ARHGAP23: variants seen among roughly 807,000 people sequenced by gnomAD.
ARHGAP23 encodes the protein Rho GTPase activating protein 23.
ARHGAP23 carries 34 observed loss-of-function variants against 136.3 expected under a neutral mutation model. The observed-to-expected ratio is 0.25, with a 90% CI of 0.19 to 0.33. The LOEUF is 0.33. Ranked by LOEUF, ARHGAP23 falls within the 10% of genes least tolerant of loss-of-function variation. The probability of loss-of-function intolerance (pLI) is 1.00; values close to 1 mark genes in which losing one functional copy is unlikely to be tolerated. For missense variants in ARHGAP23, 1,808 were observed against 2,139.0 expected, an observed-to-expected ratio of 0.85 and a Z score of 3.05; for synonymous variants, 832 against 920.5, an observed-to-expected ratio of 0.90 and a Z score of 1.74.
Position 38,438,692 on chromosome 17 carries a change from G to A in ARHGAP23, c.63+10144G>A, listed in dbSNP as rs908781483. Among the ~76,000 whole-genome samples, 15 of 151,376 alleles carry A rather than the reference G, an allele frequency of 9.9e-5. No individual in the cohort carries two copies. In the South Asian group the frequency reaches 1.0e-3, roughly 11 times the overall value. ...ACAGTTGGAAGGGTAGGATAAGAGT[G>A]GAGTATGTTGGCTGGGCGTGGTGGC... On this transcript the variant is annotated intron_variant, in intron 1 of 23. Transcript: ENST00000622683.
chr17:38,475,759 G>A (rs2039878599), intron 11 of ARHGAP23, among the ~76,000 whole-genome samples: 1 of 152,186 alleles, frequency 6.6e-6, no homozygotes, highest in Admixed American at 6.5e-5. Context: ...ATATGGAAAT[G>A]AGAGGACGGA....
chr17:38,445,301 C>T (rs1331094427), intron 1 of ARHGAP23, among the ~76,000 whole-genome samples: 1 of 86,458 alleles, frequency 1.2e-5, no homozygotes, highest in Admixed American at 1.5e-4. Context: ...CCTGTCTCTA[C>T]TTAAAAAAAA....
In ARHGAP23 at chr17:38,458,709, A is replaced by C. The variant is rs568482631; in HGVS notation, c.225+446A>C. 5.8e-3 allele frequency among the ~76,000 whole-genome samples: 886 copies of C among 152,210 alleles called. 6 individuals carry two copies. The highest frequency in any genetic ancestry group is 6.3e-3 in the Non-Finnish European group (427 of 67,974). ...GCGTGAGCTCTCAGGGGCCTAGCCC[A>C]CCTGTGGGAGCCCTCCCAGCACGCC... is the stretch of plus-strand genomic sequence containing the variant. On this transcript the variant is annotated intron_variant, in intron 2 of 23. Transcript: ENST00000622683.
chr17:38,503,859 C>T (rs1485256749), intron 23 of ARHGAP23, among the ~76,000 whole-genome samples: 2 of 152,234 alleles, frequency 1.3e-5, no homozygotes, highest in African/African-American at 2.4e-5. Flanking sequence ...GAGTTCATCA[C>T]AATCACTAGC....
intron 22 of ARHGAP23, 28 bp downstream of exon 22, chr17:38,498,538 G>A: frequency 6.7e-7 from 1 of 1,502,730 alleles, no homozygotes; most frequent in Non-Finnish European, 8.9e-7. Flanking sequence ...GGAGTGGGGA[G>A]GCGGGAGGTT....
chr17:38,437,987 A>AAGGCTTC (rs144678465), intron 1 of ARHGAP23, among the ~76,000 whole-genome samples: 11,055 of 152,182 alleles, frequency 0.073, 493 homozygotes, highest in Middle Eastern at 0.22. Context: ...TCAGGGGAAG[A>AAGGCTTC]AGGCTTCACT....
chr17:38,469,707 T>C, intron 9 of ARHGAP23, 72 bp downstream of exon 9: 1 of 1,515,764 alleles, frequency 6.6e-7, no homozygotes, highest in South Asian at 1.2e-5. Context: ...GCAGGGCTCT[T>C]GGCCCTGGGG....
intron 17 of ARHGAP23, chr17:38,489,849 A>T: frequency 2.1e-6 from 1 of 483,498 alleles, no homozygotes; most frequent in African/African-American, 1.9e-5. Flanking sequence ...TGCAGCTCAG[A>T]TGGTATTGCC....
intron 20 of ARHGAP23, among the ~76,000 whole-genome samples, chr17:38,495,293 G>A (rs1403438693): frequency 2.0e-5 from 3 of 150,298 alleles, no homozygotes; most frequent in South Asian, 2.1e-4. Flanking sequence ...GTGCAACGGC[G>A]CGGTCTCCAC....
intron 2 of ARHGAP23, among the ~76,000 whole-genome samples, chr17:38,459,722 C>CAGG: frequency 6.6e-6 from 1 of 152,320 alleles, no homozygotes; most frequent in South Asian, 2.1e-4. Context: ...GGCCTGGAGG[C>CAGG]AGGAGGAGGC....
chr17:38,491,080 A>AT (rs35763241), intron 19 of ARHGAP23, among the ~76,000 whole-genome samples: 103,895 of 151,636 alleles, frequency 0.69, 36,752 homozygotes, highest in East Asian at 0.91. Flanking sequence ...AAGTGATCGG[A>AT]TTATTTCCCA....
At chr17:38,464,415 C>A (rs1486588677) in intron 6 of ARHGAP23, among the ~76,000 whole-genome samples, 2 of 152,250 alleles carry the variant, frequency 1.3e-5, no homozygotes, top group African/African-American at 4.8e-5. Context: ...GGCTTACTTG[C>A]CCCTGAGGTC....
chr17:38,479,335 A>C lies in ARHGAP23; in HGVS notation c.2437-101A>C, dbSNP rs914756439. On this transcript the variant is annotated intron_variant, in intron 12 of 23. Coordinates refer to ENST00000622683, the MANE Select transcript of ARHGAP23 (RefSeq NM_001199417.2). ...TCTCACTCCAGGGTCTGGGCTGTCC[A>C]CCTGGCAGGTGGACAAGAGGGGAAG... 4.1e-6 allele frequency: 4 copies of C among 975,166 alleles called. No individual in the cohort carries two copies. In the African/African-American group the frequency reaches 4.9e-5, roughly 12 times the overall value. The allele number at this position is 975,166 out of a possible 1,614,324, so 60.4% of individuals were successfully genotyped here.
intron 23 of ARHGAP23, among the ~76,000 whole-genome samples, chr17:38,506,852 G>C (rs1375212983): frequency 6.6e-6 from 1 of 152,186 alleles, no homozygotes; most frequent in Admixed American, 6.5e-5. Context: ...CTGGCTGGTG[G>C]AACTGGGCTC....
rs2144597563 is a variant in ARHGAP23, at chr17:38,455,741, G to A, written c.64-2361G>A. Among the ~76,000 whole-genome samples, 2 of 152,354 alleles carry A rather than the reference G, an allele frequency of 1.3e-5. 1 individual carries two copies. Among genetic ancestry groups the A allele is most frequent in the South Asian group, 4.1e-4 (2 of 4,830 alleles). On this transcript the variant is annotated intron_variant, in intron 1 of 23. Coordinates refer to ENST00000622683, the MANE Select transcript of ARHGAP23 (RefSeq NM_001199417.2). ...CAGGGGCTTCTGGTAGGAGAGGGCA[G>A]TTGGTGAGGGGACCCCCAGACCCTT...
chr17:38,485,741 G>A (rs895639005), intron 16 of ARHGAP23, among the ~76,000 whole-genome samples: 14 of 152,182 alleles, frequency 9.2e-5, no homozygotes, highest in African/African-American at 3.4e-4. Context: ...GCTGTGTCAC[G>A]GATGCTTAAA....
intron 1 of ARHGAP23, among the ~76,000 whole-genome samples, chr17:38,436,075 G>A (rs567485146): frequency 2.9e-4 from 44 of 152,314 alleles, no homozygotes; most frequent in African/African-American, 9.9e-4. Context: ...TGAAGCCTTG[G>A]CACTGTGCCC....
intron 23 of ARHGAP23, chr17:38,500,910 C>G: frequency 2.1e-6 from 1 of 483,162 alleles, no homozygotes; most frequent in Non-Finnish European, 3.7e-6. Context: ...TGCAGTCAGA[C>G]AGTCCTGGGT....
At chr17:38,474,014 AG>A (rs1352707155) in intron 11 of ARHGAP23, among the ~76,000 whole-genome samples, 1 of 152,078 alleles carries the variant, frequency 6.6e-6, no homozygotes, top group African/African-American at 2.4e-5. Flanking sequence ...TCCGCCCCCC[AG>A]GTTCAAGCAA....
Sources: gnomAD v4.1 joint callset for allele counts (sites outside exome capture counted in the v4.1 genomes callset) on GRCh38, gnomAD v4.1.1 for gene constraint, MANE v1.5 for transcripts, NCBI Gene and HGNC (gene_info 2026-07-23, HGNC 2026-07-21) for gene names.